The following DDB2 variants were observed in gnomAD, a reference collection of about 807,000 sequenced individuals.
DDB2 encodes the protein damage specific DNA binding protein 2, also known as DNA damage-binding protein 2.
DDB2 carries 27 observed loss-of-function variants against 50.5 expected under a neutral mutation model. The observed-to-expected ratio is 0.53, with a 90% CI of 0.39 to 0.74. The LOEUF is 0.74. DDB2 is among the 30% of genes least tolerant of loss of function. The pLI is 0.00. For missense variants in DDB2, 424 were observed against 545.6 expected (o/e 0.78, Z 2.22); for synonymous variants, 176 against 205.5 (o/e 0.86, Z 1.23).
chr11:47,216,080 C>T, intron 1 of DDB2: 1 of 585,288 alleles, frequency 1.7e-6, no homozygotes, highest in Non-Finnish European at 3.1e-6. Flanking sequence ...TGGCTGGGGT[C>T]TCAGGAACCC....
At chr11:47,223,378 G>A (rs779437267) in intron 3 of DDB2, among the ~76,000 whole-genome samples, 25 of 152,080 alleles carry the variant, frequency 1.6e-4, no homozygotes, top group African/African-American at 3.1e-4. Context: ...CCAGCTACCC[G>A]GGAGGCTGAG....
intron 3 of DDB2, among the ~76,000 whole-genome samples, chr11:47,217,694 A>G (rs1408338080): frequency 6.6e-6 from 1 of 152,048 alleles, no homozygotes; most frequent in Non-Finnish European, 1.5e-5. Context: ...GATGGAGACC[A>G]TCCTGGCCAA....
intron 3 of DDB2, among the ~76,000 whole-genome samples, chr11:47,226,278 C>CTTTTTTT (rs759607243): frequency 7.2e-6 from 1 of 139,288 alleles, no homozygotes; most frequent in Admixed American, 7.4e-5. Context: ...CATTTATTTT[C>CTTTTTTT]TTTTTTTTTT....
chr11:47,235,449 T>C, intron 7 of DDB2, 37 bp downstream of exon 7: 2 of 1,600,136 alleles, frequency 1.2e-6, no homozygotes, highest in South Asian at 1.1e-5. Context: ...AGAAGGAGGC[T>C]GTGATCATGA....
At chr11:47,232,418 G>A (rs1239297673) in intron 3 of DDB2, among the ~76,000 whole-genome samples, 1 of 152,020 alleles carries the variant, frequency 6.6e-6, no homozygotes, top group Non-Finnish European at 1.5e-5. Context: ...TTGGGAAGCC[G>A]TGGCAGGGGG....
intron 3 of DDB2, among the ~76,000 whole-genome samples, chr11:47,226,278 CTT>C (rs759607243): frequency 9.3e-5 from 13 of 139,210 alleles, no homozygotes; most frequent in Admixed American, 1.5e-4. Context: ...CATTTATTTT[CTT>C]TTTTTTTTTT....
At chr11:47,234,974 C>G (rs371573554) in intron 6 of DDB2, 40 bp downstream of exon 6, 513 of 1,607,486 alleles carry the variant, frequency 3.2e-4, no homozygotes, top group Admixed American at 5.7e-4. Flanking sequence ...CAGACCCTGC[C>G]TGTCTGACCA....
intron 3 of DDB2, among the ~76,000 whole-genome samples, chr11:47,228,261 T>A (rs1183156241): frequency 6.7e-6 from 1 of 150,310 alleles, no homozygotes; most frequent in African/African-American, 2.4e-5. Context: ...AGCACAACTC[T>A]GTCTCAAAAA....
At chr11:47,225,274 C>CT (rs1953541710) in intron 3 of DDB2, among the ~76,000 whole-genome samples, 3 of 145,518 alleles carry the variant, frequency 2.1e-5, no homozygotes, top group Admixed American at 6.9e-5. Flanking sequence ...AAAAAAAACT[C>CT]TAACAAGTAA....
chr11:47,217,036 C>T lies in DDB2; in HGVS notation c.443C>T (p.Thr148Ile), dbSNP rs750530703. 1 of 1,613,872 alleles carries T rather than the reference C, an allele frequency of 6.2e-7. No homozygotes were observed. Among genetic ancestry groups the T allele is most frequent in the Non-Finnish European group, 8.5e-7 (1 of 1,179,930 alleles). The change falls in exon 3 of 10, where the codon ACC (threonine) becomes ATC (isoleucine). Residue 148 changes from threonine (T) to isoleucine (I), a missense_variant. Coordinates refer to ENST00000256996, the MANE Select transcript of DDB2 (RefSeq NM_000107.3). ...AATTTTGGCATCAAGGACAAACCCACCTTCATCAAAGGGGTGAGCAGTTCC... is the reference window on the plus strand; with the variant it reads ...AATTTTGGCATCAAGGACAAACCCATCTTCATCAAAGGGGTGAGCAGTTCC... ...LWNFGIKDKPTFIKGIGAGGS... is the reference protein window; with the variant it reads ...LWNFGIKDKPIFIKGIGAGGS...
chr11:47,234,923 C>CT lies in DDB2; in HGVS notation c.870dup (p.Val291CysfsTer70). The CT allele has an allele frequency of 6.2e-7, 1 of 1,614,232 alleles. No individual in the cohort carries two copies. The highest frequency in any genetic ancestry group is 8.5e-7 in the Non-Finnish European group (1 of 1,180,036). ...CTCTACTCGCTGCCGCACAGGCATCCTGTCAACGCAGGTGTGATATCCCAG... is the reference window on the plus strand; with the variant it reads ...CTCTACTCGCTGCCGCACAGGCATCCTTGTCAACGCAGGTGTGATATCCCAG... On this transcript the variant is annotated frameshift_variant, in exon 6 of 10. Coordinates refer to ENST00000256996, the MANE Select transcript of DDB2 (RefSeq NM_000107.3). LOFTEE classifies it high-confidence loss of function.
intron 3 of DDB2, chr11:47,229,826 T>TTC: frequency 2.4e-6 from 1 of 419,774 alleles, no homozygotes. Flanking sequence ...TTCTTTTTTT[T>TTC]TTTTTTTTTC....
At chr11:47,236,912 C>G (rs1337127619) in intron 7 of DDB2, among the ~76,000 whole-genome samples, 1 of 152,212 alleles carries the variant, frequency 6.6e-6, no homozygotes, top group Non-Finnish European at 1.5e-5. Flanking sequence ...TATTTCTAAG[C>G]CTTCGCATGT....
chr11:47,237,595 T>TC, intron 7 of DDB2: 1 of 449,810 alleles, frequency 2.2e-6, no homozygotes, highest in Non-Finnish European at 4.1e-6. Context: ...CACGCCCAGC[T>TC]AATTTTTTTT....
At chr11:47,236,539 G>T (rs1591002509) in intron 7 of DDB2, among the ~76,000 whole-genome samples, 1 of 152,188 alleles carries the variant, frequency 6.6e-6, no homozygotes, top group Non-Finnish European at 1.5e-5. Flanking sequence ...GACCCCCCGG[G>T]TTAGAATCCT....
At position 47,238,967 on chromosome 11, in the gene DDB2, A is replaced by G; in HGVS notation, c.*118A>G. The G allele has an allele frequency of 9.0e-7, 1 of 1,112,876 alleles. No individual in the cohort carries two copies. 68.9% of individuals were successfully genotyped at this position (1,112,876 alleles called of 1,614,324 possible). ...CAAAAGTATCCAAGGTTAGGGTTGG[A>G]GCAGGGGTGCTGGGACCTGGGGCAC... On this transcript the variant is annotated 3_prime_UTR_variant, in exon 10 of 10. Transcript: ENST00000256996.
chr11:47,221,560 T>G (rs1793953594), intron 3 of DDB2: 1 of 152,018 alleles, frequency 6.6e-6, no homozygotes, highest in Admixed American at 6.5e-5. Flanking sequence ...TTCTCCTGCC[T>G]CAGCCTCCTG....
chr11:47,229,338 G>A (rs1953609811), intron 3 of DDB2, among the ~76,000 whole-genome samples: 1 of 152,178 alleles, frequency 6.6e-6, no homozygotes. Flanking sequence ...GAGTGGGGTG[G>A]CGGAGTCAAG....
chr11:47,226,734 C>CT (rs542832519), intron 3 of DDB2, among the ~76,000 whole-genome samples: 1,576 of 124,264 alleles, frequency 0.013, 63 homozygotes, highest in African/African-American at 0.049. Flanking sequence ...AGTCCTTTGC[C>CT]TTTTTTTTTT....
Sources: allele counts gnomAD v4.1 joint callset (sites outside exome capture counted in the v4.1 genomes callset), GRCh38; gene constraint gnomAD v4.1.1; transcripts MANE v1.5; gene names NCBI Gene and HGNC (gene_info 2026-07-23, HGNC 2026-07-21).